The following ZNF541 variants were observed in gnomAD, a reference collection of about 807,000 sequenced individuals.
ZNF541 encodes zinc finger protein 541.
In ZNF541, 23 loss-of-function variants were observed where a neutral mutation model predicts 123.5. The observed-to-expected ratio is 0.19, with a 90% CI of 0.13 to 0.26. The LOEUF (loss-of-function observed/expected upper bound fraction) is 0.26. ZNF541 is among the 10% of genes least tolerant of loss of function. The pLI, the probability that ZNF541 is intolerant of heterozygous loss-of-function variation, is 1.00. For synonymous variants in ZNF541, 751 were observed against 754.5 expected, an observed-to-expected ratio of 1.00 and a Z score of 0.08; for missense variants, 1,612 against 1,789.9, an observed-to-expected ratio of 0.90 and a Z score of 1.79.
intron 2 of ZNF541, among the ~76,000 whole-genome samples, chr19:47,559,119 C>G (rs1970956658): frequency 6.6e-6 from 1 of 151,362 alleles, no homozygotes; most frequent in Non-Finnish European, 1.5e-5. Context: ...GCCTGTAATC[C>G]CAGCACTCTG....
chr19:47,548,298 C>T (rs546895894), intron 4 of ZNF541, among the ~76,000 whole-genome samples: 1 of 151,426 alleles, frequency 6.6e-6, no homozygotes, highest in African/African-American at 2.4e-5. Flanking sequence ...CAAAAATTAG[C>T]TGGGCGGGGT....
Position 47,521,073 on chromosome 19 carries a change from G to A in ZNF541, c.*151C>T, listed in dbSNP as rs1007844053. On this transcript the variant is annotated 3_prime_UTR_variant, in exon 17 of 17. Transcript: ENST00000391901. The surrounding 1 kb of genome is among the most constrained non-coding windows in gnomAD (Gnocchi z 4.2). ...ACAACTGAGCTCCTCCTGCCTATCT[G>A]TGGCCAAATGCCCTCCATGTTTGCA... 3 of 963,908 alleles carry A rather than the reference G, an allele frequency of 3.1e-6. No homozygotes were observed. Among genetic ancestry groups the A allele is most frequent in the Admixed American group, 2.8e-5 (1 of 36,176 alleles). 59.7% of individuals were successfully genotyped at this position (963,908 alleles called of 1,614,324 possible).
rs548354002 is a variant in ZNF541 at position 47,545,546 on chromosome 19, G to A, written c.983C>T (p.Ala328Val). The part of the protein sequence containing the change: ...CTPAGPHAAP[A>V]ALDTELPEEP... ...CTCGGGAAGCTCGGTGTCCAGCGCTGCTGGGGCCGCGTGGGGGCCGGCTGG... is the reference window on the plus strand; with the variant it reads ...CTCGGGAAGCTCGGTGTCCAGCGCTACTGGGGCCGCGTGGGGGCCGGCTGG... The change falls in exon 5 of 17, where the codon GCA becomes GTA. Residue 328 changes from alanine (A) to valine (V), a missense_variant. Transcript: ENST00000391901. This position sits in a 1 kb window ranked among gnomAD's most constrained non-coding sequence, Gnocchi z 7.5. The A allele has an allele frequency of 6.3e-5, 96 of 1,535,374 alleles. 1 individual carries two copies. In the African/African-American group the frequency reaches 1.2e-3, roughly 19 times the overall value.
intron 12 of ZNF541, among the ~76,000 whole-genome samples, chr19:47,530,926 C>T (rs1328847154): frequency 1.3e-5 from 2 of 152,182 alleles, no homozygotes; most frequent in Admixed American, 6.5e-5. Flanking sequence ...GCTGGGATTA[C>T]AGGCGTGAGC....
At chr19:47,534,410 G>C (rs1042778861) in intron 9 of ZNF541, among the ~76,000 whole-genome samples, 10 of 152,194 alleles carry the variant, frequency 6.6e-5, no homozygotes, top group Non-Finnish European at 7.3e-5. Flanking sequence ...CAGCACTTTG[G>C]GAGGCCGAGG....
Position 47,545,290 on chromosome 19 carries a change from G to T in ZNF541, c.1239C>A (p.Phe413Leu), listed in dbSNP as rs1348105702. 1 of 1,549,812 alleles carries T rather than the reference G, an allele frequency of 6.5e-7. No homozygotes were observed. The highest frequency in any genetic ancestry group is 1.4e-5 in the African/African-American group (1 of 73,158). The change falls in exon 5 of 17, where the codon TTC (phenylalanine) becomes TTA (leucine). Residue 413 changes from phenylalanine (F) to leucine (L), a missense_variant. Phe to Leu is a conservative substitution (Grantham distance 22, BLOSUM62 0). This residue lies in a region of ZNF541 where 1,080 missense variants were observed against 1,013.8 expected (regional missense o/e 1.07). Coordinates refer to ENST00000391901, the MANE Select transcript of ZNF541 (RefSeq NM_001277075.3). The surrounding 1 kb of genome is among the most constrained non-coding windows in gnomAD (Gnocchi z 7.5). ...PASSQPSSHS[F>L]QWLRNLPGCP... Reference sequence around the variant, plus strand: ...AGCCCGGCAGGTTCCGGAGCCACTGGAAGCTGTGGCTCGATGGCTGGGAAC... The same window carrying T: ...AGCCCGGCAGGTTCCGGAGCCACTGTAAGCTGTGGCTCGATGGCTGGGAAC...
chr19:47,543,139 T>C (rs1970155122), intron 5 of ZNF541, among the ~76,000 whole-genome samples: 1 of 151,898 alleles, frequency 6.6e-6, no homozygotes. Context: ...AATAAAATGG[T>C]GCATTATTTG....
intron 5 of ZNF541, among the ~76,000 whole-genome samples, chr19:47,543,477 T>C (rs545204357): frequency 6.6e-6 from 1 of 151,842 alleles, no homozygotes; most frequent in Admixed American, 6.6e-5. Context: ...AGAAAACACA[T>C]GGCCATTTCA....
chr19:47,522,957 G>C (rs1356572861), intron 14 of ZNF541, among the ~76,000 whole-genome samples: 1 of 151,786 alleles, frequency 6.6e-6, no homozygotes, highest in Non-Finnish European at 1.5e-5. Context: ...TGTTGGCCAG[G>C]CTGGTCTTGA....
At position 47,546,658 on chromosome 19, in the gene ZNF541, A is replaced by G. The variant is rs113605493; in HGVS notation, c.549-678T>C. On this transcript the variant is annotated intron_variant, in intron 4 of 16. Coordinates refer to ENST00000391901, the MANE Select transcript of ZNF541 (RefSeq NM_001277075.3). ...TCAAGGACTTTGGCACAGCTAATAA[A>G]TAAGTTTTGAAAAAACACCATTCAC... Among the ~76,000 whole-genome samples the G allele has an allele frequency of 3.1e-3, 476 of 152,320 alleles. 2 individuals are homozygous for G. The highest frequency in any genetic ancestry group is 0.011 in the African/African-American group (445 of 41,572).
At chr19:47,555,355 G>A (rs1970774018) in intron 3 of ZNF541, among the ~76,000 whole-genome samples, 195 bp downstream of exon 3, 2 of 143,994 alleles carry the variant, frequency 1.4e-5, no homozygotes, top group South Asian at 2.2e-4. Context: ...GGGCAACAGA[G>A]CAAGACTCCA....
chr19:47,535,345 CAAAA>C (rs1367302068), intron 9 of ZNF541, among the ~76,000 whole-genome samples: 1 of 152,086 alleles, frequency 6.6e-6, no homozygotes, highest in Non-Finnish European at 1.5e-5. Flanking sequence ...GAACAAGTAA[CAAAA>C]GAAAGGAAAT....
intron 14 of ZNF541, among the ~76,000 whole-genome samples, chr19:47,522,335 GA>G (rs1186892360): frequency 6.6e-6 from 1 of 152,214 alleles, no homozygotes; most frequent in African/African-American, 2.4e-5. Flanking sequence ...TCTGCAGGCA[GA>G]ATACCACACA....
chr19:47,573,264 C>CGGCCTCGCGCGTGCCTCCT (rs1245181877), upstream of ZNF541, among the ~76,000 whole-genome samples: 1 of 151,756 alleles, frequency 6.6e-6, no homozygotes, highest in Non-Finnish European at 1.5e-5. Flanking sequence ...CCTCCCAGAG[C>CGGCCTCGCGCGTGCCTCCT]GGCCTCGCGC....
chr19:47,521,711 C>T lies in ZNF541; in HGVS notation c.3712-57G>A, dbSNP rs915262116. Reference sequence around the variant, plus strand: ...CTGACCTGTCCTGCTGTAAGAGAGACACAGAGCTGGGGGCATACGTGTCTC... The same window carrying T: ...CTGACCTGTCCTGCTGTAAGAGAGATACAGAGCTGGGGGCATACGTGTCTC... On this transcript the variant is annotated intron_variant, in intron 15 of 16. Transcript: ENST00000391901. The surrounding 1 kb of genome is among the most constrained non-coding windows in gnomAD (Gnocchi z 4.2). 6.5e-7 allele frequency: 1 copy of T among 1,537,276 alleles called. No homozygotes were observed. Among genetic ancestry groups the T allele is most frequent in the African/African-American group, 1.4e-5 (1 of 72,778 alleles).
At chr19:47,548,456 A>AG (rs1448081744) in intron 4 of ZNF541, among the ~76,000 whole-genome samples, 4 of 150,534 alleles carry the variant, frequency 2.7e-5, no homozygotes, top group African/African-American at 7.4e-5. Flanking sequence ...AAAAAAAAAA[A>AG]AAAAAGAAAA....
intron 3 of ZNF541, among the ~76,000 whole-genome samples, chr19:47,550,279 C>CAGGA (rs969672464): frequency 7.6e-6 from 1 of 132,066 alleles, no homozygotes; most frequent in Non-Finnish European, 1.6e-5. Flanking sequence ...GAAAGAAAGA[C>CAGGA]AGGAAGGAAG....
At chr19:47,546,071 A>T in intron 4 of ZNF541, 91 bp from the exon 5 acceptor site, 1 of 1,121,936 alleles carries the variant, frequency 8.9e-7, no homozygotes, top group Non-Finnish European at 1.2e-6. Context: ...AGTCTGTGGT[A>T]CAGTTGCACC....
intron 14 of ZNF541, among the ~76,000 whole-genome samples, chr19:47,528,715 C>A (rs189002025): frequency 1.1e-4 from 16 of 152,126 alleles, no homozygotes; most frequent in African/African-American, 2.9e-4. Flanking sequence ...GGTTGCCAAG[C>A]AGAAGTAGGA....
Sources: allele counts gnomAD v4.1 joint callset (sites outside exome capture counted in the v4.1 genomes callset), GRCh38; gene constraint gnomAD v4.1.1; regional missense constraint gnomAD v4.1.1; non-coding constraint Gnocchi (gnomAD v3.1); transcripts MANE v1.5; gene names NCBI Gene and HGNC (gene_info 2026-07-23, HGNC 2026-07-21).